MANBA: variants seen among roughly 807,000 people sequenced by gnomAD.
MANBA encodes the protein beta-mannosidase.
In MANBA, 83 loss-of-function variants were observed where a neutral mutation model predicts 111.1. That is an observed-to-expected ratio of 0.75 (90% CI 0.63 to 0.90). The LOEUF (loss-of-function observed/expected upper bound fraction) is 0.90. MANBA is among the 40% of genes least tolerant of loss of function. The probability of loss-of-function intolerance (pLI) is 0.00; values close to 1 mark genes in which losing one functional copy is unlikely to be tolerated. For synonymous variants in MANBA, 370 were observed against 378.7 expected, an observed-to-expected ratio of 0.98 and a Z score of 0.27; for missense variants, 1,036 against 1,069.0, an observed-to-expected ratio of 0.97 and a Z score of 0.43.
chr4:102,734,673 G>A, intron 1 of MANBA: 1 of 1,204,220 alleles, frequency 8.3e-7, no homozygotes. Context: ...CAGCCCTCCT[G>A]GGAATCTATA....
At chr4:102,692,535 G>A (rs915295273) in intron 5 of MANBA, among the ~76,000 whole-genome samples, 1 of 152,158 alleles carries the variant, frequency 6.6e-6, no homozygotes. Context: ...CTTGGGACAA[G>A]AGCTGGGTGG....
chr4:102,702,805 TA>T (rs1578918504), intron 5 of MANBA, among the ~76,000 whole-genome samples: 1 of 152,168 alleles, frequency 6.6e-6, no homozygotes, highest in African/African-American at 2.4e-5. Flanking sequence ...TCTTCAGGAG[TA>T]AACTCACTAA....
intron 4 of MANBA, among the ~76,000 whole-genome samples, chr4:102,717,398 G>A (rs1010390033): frequency 8.1e-5 from 12 of 147,296 alleles, no homozygotes; most frequent in Admixed American, 2.7e-4. Flanking sequence ...GGTGAGTACC[G>A]TTTATCCACT....
intron 1 of MANBA, among the ~76,000 whole-genome samples, chr4:102,736,414 C>A (rs918764274): frequency 6.6e-6 from 1 of 152,200 alleles, no homozygotes; most frequent in Non-Finnish European, 1.5e-5. Context: ...TCTCAGTAAG[C>A]TTCTGGACTC....
chr4:102,658,698 C>G (rs1019515565), intron 11 of MANBA, among the ~76,000 whole-genome samples: 1 of 152,212 alleles, frequency 6.6e-6, no homozygotes, highest in Non-Finnish European at 1.5e-5. Context: ...GTGCCTCATT[C>G]TCATCCTCTG....
At chr4:102,723,503 A>G (rs1722667759) in intron 3 of MANBA, among the ~76,000 whole-genome samples, 1 of 152,246 alleles carries the variant, frequency 6.6e-6, no homozygotes, top group African/African-American at 2.4e-5. Context: ...AGATCAGCAT[A>G]TAATCTCTTA....
intron 12 of MANBA, among the ~76,000 whole-genome samples, chr4:102,654,593 TA>T (rs1730482340): frequency 6.6e-6 from 1 of 152,206 alleles, no homozygotes; most frequent in East Asian, 1.9e-4. Context: ...CAAAATCACA[TA>T]ATCATTTCAA....
At chr4:102,693,949 C>A (rs926848966) in intron 5 of MANBA, among the ~76,000 whole-genome samples, 1 of 152,130 alleles carries the variant, frequency 6.6e-6, no homozygotes, top group Non-Finnish European at 1.5e-5. Flanking sequence ...CCTTAATATC[C>A]AACTAAAGAT....
intron 12 of MANBA, among the ~76,000 whole-genome samples, chr4:102,652,023 G>A (rs912364162): frequency 1.1e-4 from 16 of 152,100 alleles, no homozygotes; most frequent in Non-Finnish European, 2.1e-4. Flanking sequence ...TTTGATACAT[G>A]TATACAATGT....
intron 7 of MANBA, among the ~76,000 whole-genome samples, chr4:102,683,674 T>G (rs1200753811): frequency 6.6e-6 from 1 of 152,188 alleles, no homozygotes; most frequent in East Asian, 1.9e-4. Context: ...CCATTCCCAC[T>G]TATACACAAA....
chr4:102,753,308 TTA>T (rs1366995983), intron 1 of MANBA, among the ~76,000 whole-genome samples: 1 of 152,144 alleles, frequency 6.6e-6, no homozygotes, highest in Non-Finnish European at 1.5e-5. Context: ...CTGCTTTATA[TTA>T]TGTGTTTTAT....
rs768271530 is a variant in MANBA at position 102,752,453 on chromosome 4, T to A, written c.177+8265A>T. The A allele has an allele frequency of 1.8e-4, 139 of 780,518 alleles. 1 individual carries two copies. The highest frequency in any genetic ancestry group is 4.6e-4 in the Middle Eastern group (2 of 4,312). The allele number at this position is 780,518 out of a possible 1,614,324, so 48.3% of individuals were successfully genotyped here. On this transcript the variant is annotated intron_variant, in intron 1 of 16. Transcript: ENST00000647097. Reference sequence around the variant, plus strand: ...TGGTCTCCTACCCATGAACAGCAACTGATTTCAGGATCTTTAGATAACATT... The same window carrying A: ...TGGTCTCCTACCCATGAACAGCAACAGATTTCAGGATCTTTAGATAACATT...
intron 5 of MANBA, 79 bp downstream of exon 5, chr4:102,714,359 C>A: frequency 7.5e-7 from 1 of 1,325,562 alleles, no homozygotes. Flanking sequence ...GAAAAACATA[C>A]CTCTGTATTT....
At chr4:102,735,468 A>G (rs1379380060) in intron 1 of MANBA, among the ~76,000 whole-genome samples, 4 of 151,844 alleles carry the variant, frequency 2.6e-5, no homozygotes, top group Non-Finnish European at 5.9e-5. Flanking sequence ...CTGAAAAAAA[A>G]AAAAAAGAAA....
At chr4:102,693,159 C>G (rs1732559368) in intron 5 of MANBA, among the ~76,000 whole-genome samples, 1 of 152,176 alleles carries the variant, frequency 6.6e-6, no homozygotes, top group South Asian at 2.1e-4. Context: ...TTACCGATAG[C>G]CTCCAGGTTT....
chr4:102,746,966 C>T lies in MANBA; in HGVS notation c.177+13752G>A, dbSNP rs188980358. On this transcript the variant is annotated intron_variant, in intron 1 of 16. Transcript: ENST00000647097. ...CAGCGTGGGTGACAGAGCGAGACTC[C>T]ATCTCAAAAAAAAAAAAAAAAGAAA... Among the ~76,000 whole-genome samples, 684 of 139,006 alleles carry T rather than the reference C, an allele frequency of 4.9e-3. 5 individuals are homozygous for T. The highest frequency in any genetic ancestry group is 0.018 in the African/African-American group (659 of 35,888). The allele number at this position is 139,006 out of a possible 152,430, so 91.2% of individuals were successfully genotyped here.
At chr4:102,724,478 G>C (rs1337355853) in intron 2 of MANBA, among the ~76,000 whole-genome samples, 2 of 149,930 alleles carry the variant, frequency 1.3e-5, no homozygotes, top group Non-Finnish European at 2.9e-5. Context: ...AGAAACACTT[G>C]AACCCAGGAG....
At chr4:102,676,430 A>C (rs1286468244) in intron 7 of MANBA, among the ~76,000 whole-genome samples, 1 of 152,078 alleles carries the variant, frequency 6.6e-6, no homozygotes, top group Non-Finnish European at 1.5e-5. Flanking sequence ...AAGCACACAT[A>C]CTAGCTGAGA....
chr4:102,695,455 T>A (rs149235901), intron 5 of MANBA, among the ~76,000 whole-genome samples: 247 of 152,296 alleles, frequency 1.6e-3, no homozygotes, highest in African/African-American at 5.6e-3. Context: ...GACTCAAGTA[T>A]CAATGTTTTC....
Sources: allele counts gnomAD v4.1 joint callset (sites outside exome capture counted in the v4.1 genomes callset), GRCh38; gene constraint gnomAD v4.1.1; transcripts MANE v1.5; gene names NCBI Gene and HGNC (gene_info 2026-07-23, HGNC 2026-07-21).